Variants in MYO10 observed in about 807,000 individuals in gnomAD.
The protein encoded by MYO10 is unconventional myosin-X.
A neutral mutation model predicts 257.3 loss-of-function variants in MYO10; 133 were observed. The observed-to-expected ratio is 0.52, with a 90% CI of 0.45 to 0.60. The LOEUF (loss-of-function observed/expected upper bound fraction) is 0.60, where lower values mean the gene tolerates loss of function less well. MYO10 is among the 20% of genes least tolerant of loss of function. MYO10 has a pLI of 0.00. For synonymous variants in MYO10, 1,104 were observed against 1,028.6 expected (o/e 1.07, Z -1.40); for missense variants, 2,399 against 2,635.7 (o/e 0.91, Z 1.97).
intron 3 of MYO10, among the ~76,000 whole-genome samples, chr5:16,811,068 CAAA>C (rs11420807): frequency 8.3e-5 from 9 of 108,968 alleles, no homozygotes; most frequent in Admixed American, 2.8e-4. Flanking sequence ...GACTCTGTCT[CAAA>C]AAAAAAAAAA....
chr5:16,710,715 A>G (rs1367620018), intron 21 of MYO10, 193 bp downstream of exon 21: 6 of 586,336 alleles, frequency 1.0e-5, no homozygotes, highest in Non-Finnish European at 1.8e-5. Flanking sequence ...GTCCCTGACA[A>G]GTCAAGGACT....
intron 39 of MYO10, among the ~76,000 whole-genome samples, chr5:16,669,741 TC>T (rs1736353950): frequency 1.3e-5 from 2 of 152,154 alleles, no homozygotes; most frequent in Non-Finnish European, 2.9e-5. Flanking sequence ...TTATACAGCC[TC>T]AATATAAAGT....
chr5:16,884,704 T>G (rs1041180191), intron 1 of MYO10, among the ~76,000 whole-genome samples: 11 of 137,550 alleles, frequency 8.0e-5, no homozygotes, highest in African/African-American at 2.7e-4. Flanking sequence ...TCTTTCCAAC[T>G]TACCAGATGC....
intron 14 of MYO10, 66 bp downstream of exon 14, chr5:16,763,415 C>A: frequency 8.0e-7 from 1 of 1,257,108 alleles, no homozygotes. Flanking sequence ...TATTTTGTTC[C>A]CATAAATATG....
Position 16,889,471 on chromosome 5 carries a change from AAAAG to A in MYO10, c.22-11768_22-11765del, listed in dbSNP as rs1272206729. On this transcript the variant is annotated intron_variant, in intron 1 of 40. Transcript: ENST00000513610. ...AGGAAAGAAGGAAGGGGAAGGGAAG[AAAAG>A]AAAGAAGGAAGGAAGGAAGGAAGGA... Among the ~76,000 whole-genome samples, 25 of 135,518 alleles carry A rather than the reference AAAAG, an allele frequency of 1.8e-4. No homozygotes were observed. In the East Asian group the frequency reaches 2.4e-3, roughly 13 times the overall value. 88.9% of individuals were successfully genotyped at this position (135,518 alleles called of 152,430 possible).
intron 1 of MYO10, among the ~76,000 whole-genome samples, chr5:16,908,267 C>T (rs574048830): frequency 6.6e-6 from 1 of 152,018 alleles, no homozygotes; most frequent in East Asian, 1.9e-4. Context: ...GTGGCTCACA[C>T]CTGTAATCCC....
In MYO10 at chr5:16,664,036, G is replaced by C. The variant is rs1736068337; in HGVS notation, c.*2656C>G. The C allele has an allele frequency of 6.6e-6, 1 of 152,148 alleles. No homozygotes were observed. The highest frequency in any genetic ancestry group is 2.4e-5 in the African/African-American group (1 of 41,426). 9.4% of individuals were successfully genotyped at this position (152,148 alleles called of 1,614,324 possible). A position where few individuals can be genotyped will look rare whatever the true frequency, so the allele number is the denominator to read the frequency against. Reference sequence around the variant, plus strand: ...AAAATTGGAATAGGTTCTGTGGCTAGGGGAAGCTCAACGGTACTTTGTCAG... The same window carrying C: ...AAAATTGGAATAGGTTCTGTGGCTACGGGAAGCTCAACGGTACTTTGTCAG... On this transcript the variant is annotated 3_prime_UTR_variant, in exon 41 of 41. Transcript: ENST00000513610.
At chr5:16,880,528 T>A (rs1228841773) in intron 1 of MYO10, among the ~76,000 whole-genome samples, 1 of 152,170 alleles carries the variant, frequency 6.6e-6, no homozygotes, top group Non-Finnish European at 1.5e-5. Context: ...ACTCCATTCA[T>A]AGATCTTCAA....
intron 1 of MYO10, among the ~76,000 whole-genome samples, chr5:16,924,226 G>A (rs1302064644): frequency 6.6e-6 from 1 of 151,374 alleles, no homozygotes; most frequent in Non-Finnish European, 1.5e-5. Context: ...GGGGTGAGAT[G>A]AATGGAGCAT....
intron 26 of MYO10, among the ~76,000 whole-genome samples, chr5:16,695,441 A>C (rs972480021): frequency 2.6e-5 from 4 of 152,218 alleles, no homozygotes; most frequent in African/African-American, 9.6e-5. Context: ...ACACAGGTAA[A>C]GACAATATGG....
intron 1 of MYO10, among the ~76,000 whole-genome samples, chr5:16,929,189 G>A (rs6554949): frequency 0.33 from 49,651 of 151,570 alleles, 8,397 homozygotes; most frequent in Admixed American, 0.46. Flanking sequence ...TCCTGACCTC[G>A]TGATCCGCCC....
intron 29 of MYO10, 74 bp from the exon 30 acceptor site, chr5:16,684,009 C>T: frequency 7.7e-7 from 1 of 1,298,840 alleles, no homozygotes; most frequent in Non-Finnish European, 1.1e-6. Flanking sequence ...ATACCTCTAG[C>T]CCACAACTCC....
intron 22 of MYO10, among the ~76,000 whole-genome samples, chr5:16,703,683 A>C (rs2126558295): frequency 1.3e-5 from 2 of 152,146 alleles, no homozygotes; most frequent in Middle Eastern, 6.8e-3. Context: ...AGAGATCGAG[A>C]CCATCCTGGC....
At position 16,721,638 on chromosome 5, in the gene MYO10, A is replaced by G. The variant is rs185626903; in HGVS notation, c.1930-10393T>C. 3.5e-4 allele frequency among the ~76,000 whole-genome samples: 53 copies of G among 152,276 alleles called. 1 individual carries two copies. In the East Asian group the frequency reaches 9.1e-3, roughly 26 times the overall value. ...CAGTCAGTCCTGGAGGTCAGATTGT[A>G]GGGTCTGGAAATTTCTCACTCACCA... On this transcript the variant is annotated intron_variant, in intron 19 of 40. Coordinates refer to ENST00000513610, the MANE Select transcript of MYO10 (RefSeq NM_012334.3).
intron 27 of MYO10, among the ~76,000 whole-genome samples, chr5:16,690,247 G>C (rs897919770): frequency 2.6e-5 from 4 of 152,216 alleles, no homozygotes; most frequent in Non-Finnish European, 5.9e-5. Context: ...GCATGTGGGA[G>C]AATATGCATA....
At chr5:16,860,697 G>C (rs1744082145) in intron 2 of MYO10, among the ~76,000 whole-genome samples, 1 of 152,078 alleles carries the variant, frequency 6.6e-6, no homozygotes, top group Non-Finnish European at 1.5e-5. Context: ...AGGCTCTTAA[G>C]AGAGTCAACG....
intron 2 of MYO10, among the ~76,000 whole-genome samples, chr5:16,825,337 A>G (rs541939769): frequency 2.0e-4 from 31 of 152,040 alleles, no homozygotes; most frequent in African/African-American, 6.8e-4. Context: ...TCACTTATCC[A>G]TTATCTTGTT....
rs556585697 is a variant in MYO10, at chr5:16,929,680, C to T, written c.21+6108G>A. The stretch of plus-strand genomic sequence containing the variant: ...TGAAGTGCCAGCAACATGCCTGGCA[C>T]ATGGTAAGTACAGTTGTCCCTATGT... On this transcript the variant is annotated intron_variant, in intron 1 of 40. Coordinates refer to ENST00000513610, the MANE Select transcript of MYO10 (RefSeq NM_012334.3). Among the ~76,000 whole-genome samples the T allele has an allele frequency of 8.5e-5, 13 of 152,308 alleles. No individual in the cohort carries two copies. The South Asian group carries it at 2.3e-3, about 27-fold the overall frequency.
intron 9 of MYO10, among the ~76,000 whole-genome samples, chr5:16,775,272 C>T (rs1741181111): frequency 6.6e-6 from 1 of 152,184 alleles, no homozygotes; most frequent in Non-Finnish European, 1.5e-5. Flanking sequence ...GCTCCTAAAA[C>T]TGTTCAGAAT....
Sources: gnomAD v4.1 joint callset for allele counts (sites outside exome capture counted in the v4.1 genomes callset) on GRCh38, gnomAD v4.1.1 for gene constraint, MANE v1.5 for transcripts, NCBI Gene and HGNC (gene_info 2026-07-23, HGNC 2026-07-21) for gene names.